Variants in DLC1 observed in about 807,000 individuals in gnomAD.
DLC1 encodes DLC1 Rho GTPase activating protein.
In DLC1, 54 loss-of-function variants were observed where a neutral mutation model predicts 140.3. That is an observed-to-expected ratio of 0.38 (90% CI 0.31 to 0.48). The LOEUF (loss-of-function observed/expected upper bound fraction) is 0.48. DLC1 is among the 20% of genes least tolerant of loss of function. The pLI is 0.96. For synonymous variants in DLC1, 986 were observed against 728.1 expected, an observed-to-expected ratio of 1.35 and a Z score of -5.70; for missense variants, 2,536 against 1,907.0, an observed-to-expected ratio of 1.33 and a Z score of -6.14.
chr8:13,560,379 A>G (rs931405632), intron 1 of DLC1, among the ~76,000 whole-genome samples: 1 of 152,184 alleles, frequency 6.6e-6, no homozygotes, highest in Non-Finnish European at 1.5e-5. Flanking sequence ...CAGGCTGGCC[A>G]GACAGGTTTG....
chr8:13,487,206 A>C (rs1801008134), intron 2 of DLC1, among the ~76,000 whole-genome samples: 1 of 152,232 alleles, frequency 6.6e-6, no homozygotes. Flanking sequence ...GCAAGAAGCA[A>C]AATATTGCAT....
At chr8:13,347,133 G>T (rs11985103) in intron 4 of DLC1, among the ~76,000 whole-genome samples, 1,726 of 152,280 alleles carry the variant, frequency 0.011, 33 homozygotes, top group African/African-American at 0.039. Context: ...GTAGTTTCAG[G>T]CACCCACTGT....
At chr8:13,121,345 A>G (rs1167251610) in intron 5 of DLC1, among the ~76,000 whole-genome samples, 2 of 152,156 alleles carry the variant, frequency 1.3e-5, no homozygotes, top group East Asian at 3.9e-4. Context: ...ATCAATTCTG[A>G]TGACATCAAG....
At chr8:13,278,213 G>A (rs914622058) in intron 5 of DLC1, among the ~76,000 whole-genome samples, 1 of 152,336 alleles carries the variant, frequency 6.6e-6, no homozygotes. Flanking sequence ...CTCCGTGCCT[G>A]CACGGGCCAA....
In DLC1 at chr8:13,445,909, C is replaced by A. The variant is rs559978466; in HGVS notation, c.1024-44290G>T. On this transcript the variant is annotated intron_variant, in intron 2 of 17. Transcript: ENST00000276297. ...ACATTTTAGACCCTTGGGCCCAAATCTAGTATACTTCATCTTTAAGGAAAA... is the reference window on the plus strand; with the variant it reads ...ACATTTTAGACCCTTGGGCCCAAATATAGTATACTTCATCTTTAAGGAAAA... Among the ~76,000 whole-genome samples, 3 of 152,178 alleles carry A rather than the reference C, an allele frequency of 2.0e-5. No individual in the cohort carries two copies. In the East Asian group the frequency reaches 5.8e-4, roughly 29 times the overall value.
intron 2 of DLC1, among the ~76,000 whole-genome samples, chr8:13,475,660 CA>C (rs1219180373): frequency 2.6e-5 from 4 of 152,120 alleles, no homozygotes; most frequent in African/African-American, 9.7e-5. Context: ...CAGTGTATTC[CA>C]GCTTGGAGGT....
intron 4 of DLC1, chr8:13,338,432 A>T (rs766994187): frequency 2.0e-5 from 3 of 152,154 alleles, no homozygotes; most frequent in Non-Finnish European, 4.4e-5. Context: ...TTTTATTAGA[A>T]AAGAATAAAT....
intron 4 of DLC1, among the ~76,000 whole-genome samples, chr8:13,322,757 C>A (rs1039117207): frequency 6.6e-6 from 1 of 152,142 alleles, no homozygotes; most frequent in Non-Finnish European, 1.5e-5. Flanking sequence ...ATGGGGATGG[C>A]AATTCTCATA....
intron 5 of DLC1, among the ~76,000 whole-genome samples, chr8:13,141,881 A>G (rs745722990): frequency 1.3e-5 from 2 of 152,244 alleles, no homozygotes; most frequent in Non-Finnish European, 2.9e-5. Flanking sequence ...TTTAAAAAAT[A>G]GACCTAGCAA....
chr8:13,098,364 T>C, intron 10 of DLC1, 35 bp downstream of exon 10: 1 of 1,608,720 alleles, frequency 6.2e-7, no homozygotes, highest in Non-Finnish European at 8.5e-7. Flanking sequence ...AAATATCATT[T>C]TCAACGACAG....
chr8:13,443,369 C>G (rs1393037146), intron 2 of DLC1, among the ~76,000 whole-genome samples: 1 of 147,964 alleles, frequency 6.8e-6, no homozygotes, highest in Non-Finnish European at 1.5e-5. Flanking sequence ...AAAAAAACTG[C>G]CCAAATGAGG....
chr8:13,596,912 C>A (rs113708897), intron 1 of DLC1, among the ~76,000 whole-genome samples: 4,645 of 151,986 alleles, frequency 0.031, 100 homozygotes, highest in Non-Finnish European at 0.046. Context: ...TAAATGCCTG[C>A]GGAGTGTGGA....
chr8:13,510,040 G>A (rs961613081), intron 1 of DLC1, among the ~76,000 whole-genome samples: 2 of 152,098 alleles, frequency 1.3e-5, no homozygotes, highest in Admixed American at 6.6e-5. Flanking sequence ...GACTCCTTTA[G>A]CTTTCAACTG....
In DLC1 at chr8:13,207,391, A is replaced by T. The variant is rs189488717; in HGVS notation, c.1349-91734T>A. On this transcript the variant is annotated intron_variant, in intron 5 of 17. Coordinates refer to ENST00000276297, the MANE Select transcript of DLC1 (RefSeq NM_182643.3). ...TTGTATTTTGTCCGTTTGGAGTTACATGTCTTTTTCTACCTTCACGGCTTT... is the reference window on the plus strand; with the variant it reads ...TTGTATTTTGTCCGTTTGGAGTTACTTGTCTTTTTCTACCTTCACGGCTTT... Among the ~76,000 whole-genome samples, 563 of 152,284 alleles carry T rather than the reference A, an allele frequency of 3.7e-3. 3 individuals are homozygous for T. The highest frequency in any genetic ancestry group is 0.013 in the African/African-American group (526 of 41,582).
chr8:13,455,668 A>G (rs1007866136), intron 2 of DLC1, among the ~76,000 whole-genome samples: 1 of 152,076 alleles, frequency 6.6e-6, no homozygotes, highest in Non-Finnish European at 1.5e-5. Flanking sequence ...TCTCTTTTCA[A>G]CAGTTGTCAT....
chr8:13,221,359 G>T (rs911085546), intron 5 of DLC1, among the ~76,000 whole-genome samples: 1 of 150,056 alleles, frequency 6.7e-6, no homozygotes, highest in East Asian at 1.9e-4. Flanking sequence ...GCTTCCAAAG[G>T]TTTTCTTTTC....
chr8:13,457,403 G>A (rs1799442361), intron 2 of DLC1, among the ~76,000 whole-genome samples: 1 of 152,058 alleles, frequency 6.6e-6, no homozygotes. Flanking sequence ...ATGTTGCTGG[G>A]CACGGTGGCT....
At chr8:13,469,322 G>C (rs1312022588) in intron 2 of DLC1, among the ~76,000 whole-genome samples, 3 of 152,126 alleles carry the variant, frequency 2.0e-5, no homozygotes, top group African/African-American at 7.2e-5. Flanking sequence ...CATTAAGATT[G>C]GGTTTTCACA....
At position 13,219,084 on chromosome 8, in the gene DLC1, A is replaced by AAT. The variant is rs1399586588; in HGVS notation, c.1348+86184_1348+86185insAT. Among the ~76,000 whole-genome samples, 251 of 84,124 alleles carry AAT rather than the reference A, an allele frequency of 3.0e-3. 26 individuals carry two copies. Among genetic ancestry groups the AAT allele is most frequent in the African/African-American group, 0.011 (170 of 16,014 alleles). 55.2% of individuals were successfully genotyped at this position (84,124 alleles called of 152,430 possible). A position where few individuals can be genotyped will look rare whatever the true frequency, so the allele number is the denominator to read the frequency against. ...ATTACGTGAATATAATTATATAATTATATGTGAATGTAATTATATAATTAT... is the reference window on the plus strand; with the variant it reads ...ATTACGTGAATATAATTATATAATTAATTATGTGAATGTAATTATATAATTAT... On this transcript the variant is annotated intron_variant, in intron 5 of 17. Transcript: ENST00000276297.
Sources: allele counts gnomAD v4.1 joint callset (sites outside exome capture counted in the v4.1 genomes callset), GRCh38; gene constraint gnomAD v4.1.1; transcripts MANE v1.5; gene names NCBI Gene and HGNC (gene_info 2026-07-23, HGNC 2026-07-21).